The following SGK3 variants were observed in gnomAD, a reference collection of about 807,000 sequenced individuals.
The protein encoded by SGK3 is serum/glucocorticoid regulated kinase family member 3.
In SGK3, 47 loss-of-function variants were observed where a neutral mutation model predicts 68.5. That is an observed-to-expected ratio of 0.69 (90% CI 0.54 to 0.87). The LOEUF is 0.87. Among genes scored for constraint, SGK3 ranks in the 40% least tolerant of loss-of-function variants. The pLI is 0.00. For synonymous variants in SGK3, 181 were observed against 189.1 expected (o/e 0.96, Z 0.35); for missense variants, 479 against 575.5 (o/e 0.83, Z 1.72).
At chr8:66,742,382 T>C (rs985406510) in intron 1 of SGK3, among the ~76,000 whole-genome samples, 2 of 152,200 alleles carry the variant, frequency 1.3e-5, no homozygotes, top group Admixed American at 1.3e-4. Context: ...CTGTTTGTTT[T>C]TTAGAGACAG....
At chr8:66,713,010 G>C (rs190606908) in intron 1 of SGK3, among the ~76,000 whole-genome samples, 177 bp downstream of exon 1, 3 of 152,310 alleles carry the variant, frequency 2.0e-5, no homozygotes, top group Admixed American at 2.0e-4. Flanking sequence ...TTGTTTCCAC[G>C]AGGTGAATTC....
intron 1 of SGK3, among the ~76,000 whole-genome samples, chr8:66,777,045 C>G (rs1224826513): frequency 6.6e-6 from 1 of 152,052 alleles, no homozygotes; most frequent in Admixed American, 6.5e-5. Context: ...GAATGCTCAC[C>G]CAAGGAAGTA....
chr8:66,716,994 G>A (rs1183351431), intron 1 of SGK3, among the ~76,000 whole-genome samples: 1 of 151,536 alleles, frequency 6.6e-6, no homozygotes, highest in African/African-American at 2.4e-5. Context: ...TCAGGAGTTC[G>A]AGACCAGCCT....
intron 8 of SGK3, among the ~76,000 whole-genome samples, chr8:66,832,414 T>C (rs1247917132): frequency 6.6e-6 from 1 of 152,220 alleles, no homozygotes; most frequent in East Asian, 1.9e-4. Context: ...CTGGGTTTCC[T>C]TGAGACTAGA....
intron 1 of SGK3, among the ~76,000 whole-genome samples, chr8:66,774,967 C>T (rs1806635998): frequency 6.6e-6 from 1 of 152,248 alleles, no homozygotes; most frequent in Admixed American, 6.5e-5. Flanking sequence ...GCTCTCTTCA[C>T]CTTCCCCGCG....
rs559703911 is a variant in SGK3, at chr8:66,770,877, G to A, written c.-121-22739G>A. Among the ~76,000 whole-genome samples the A allele has an allele frequency of 2.5e-4, 38 of 152,200 alleles. No individual in the cohort carries two copies. In the South Asian group the frequency reaches 7.9e-3, roughly 32 times the overall value. Reference sequence around the variant, plus strand: ...TTCATAGCCCCATCCTCTCAACTCAGGTAGTCTGCTGGGCTCTCCTTCATT... The same window carrying A: ...TTCATAGCCCCATCCTCTCAACTCAAGTAGTCTGCTGGGCTCTCCTTCATT... On this transcript the variant is annotated intron_variant, in intron 1 of 16. Transcript: ENST00000521198.
intron 2 of SGK3, among the ~76,000 whole-genome samples, chr8:66,796,195 G>A (rs1312400947): frequency 6.6e-6 from 1 of 151,702 alleles, no homozygotes; most frequent in Non-Finnish European, 1.5e-5. Context: ...GGAGTGCAGT[G>A]GTGCAGTCTT....
intron 10 of SGK3, 118 bp from the exon 11 acceptor site, chr8:66,839,885 C>T: frequency 1.1e-6 from 1 of 921,584 alleles, no homozygotes; most frequent in Non-Finnish European, 1.6e-6. Flanking sequence ...TTTTAGCTCA[C>T]ATTCAAAGTA....
chr8:66,758,820 A>G (rs1229559536), intron 1 of SGK3, among the ~76,000 whole-genome samples: 1 of 151,750 alleles, frequency 6.6e-6, no homozygotes, highest in Non-Finnish European at 1.5e-5. Context: ...AGGGCTCCAT[A>G]TCAATACATT....
chr8:66,809,492 G>A (rs1359101027), intron 4 of SGK3, among the ~76,000 whole-genome samples: 9 of 152,116 alleles, frequency 5.9e-5, no homozygotes, highest in Non-Finnish European at 1.2e-4. Context: ...AATTATCATA[G>A]CAGGTTAGAG....
intron 1 of SGK3, among the ~76,000 whole-genome samples, chr8:66,789,778 G>T (rs1018371794): frequency 2.0e-5 from 3 of 152,124 alleles, no homozygotes; most frequent in South Asian, 2.1e-4. Context: ...GCCTGTGGCC[G>T]TTTAAAGGGT....
chr8:66,842,104 T>C (rs978289218), intron 13 of SGK3, among the ~76,000 whole-genome samples: 3 of 152,212 alleles, frequency 2.0e-5, no homozygotes, highest in African/African-American at 7.2e-5. Flanking sequence ...TGTCTAACCC[T>C]AGTGCTTGTA....
At chr8:66,798,688 G>A in intron 3 of SGK3, 63 bp downstream of exon 3, 1 of 1,408,396 alleles carries the variant, frequency 7.1e-7, no homozygotes, top group Non-Finnish European at 9.8e-7. Flanking sequence ...CAAAATAAGA[G>A]AGATGTATTT....
chr8:66,855,181 C>T (rs2130758349), intron 16 of SGK3, among the ~76,000 whole-genome samples: 1 of 152,268 alleles, frequency 6.6e-6, no homozygotes, highest in Middle Eastern at 3.4e-3. Context: ...GATTTGACTA[C>T]ATAAAATTTC....
chr8:66,834,833 G>A (rs1478756622), intron 8 of SGK3, among the ~76,000 whole-genome samples: 2 of 151,686 alleles, frequency 1.3e-5, no homozygotes, highest in African/African-American at 4.8e-5. Flanking sequence ...CCAGCTACTC[G>A]GGAGGCTGAG....
intron 1 of SGK3, among the ~76,000 whole-genome samples, chr8:66,746,574 G>A (rs1367472348): frequency 6.6e-6 from 1 of 151,676 alleles, no homozygotes; most frequent in Non-Finnish European, 1.5e-5. Context: ...TTTTTTTAAA[G>A]GCAAAATCTC....
chr8:66,810,319 G>A (rs886140626), intron 4 of SGK3, among the ~76,000 whole-genome samples: 5 of 152,002 alleles, frequency 3.3e-5, no homozygotes, highest in Admixed American at 3.3e-4. Flanking sequence ...AAATGAAATT[G>A]GAATAGCAGA....
chr8:66,847,559 C>G (rs750446735), intron 15 of SGK3, among the ~76,000 whole-genome samples: 7 of 152,170 alleles, frequency 4.6e-5, no homozygotes, highest in Non-Finnish European at 7.4e-5. Flanking sequence ...CACTTTTGCC[C>G]TATCCACCAC....
chr8:66,799,150 A>T (rs1807822256), intron 3 of SGK3, among the ~76,000 whole-genome samples: 1 of 152,148 alleles, frequency 6.6e-6, no homozygotes, highest in African/African-American at 2.4e-5. Flanking sequence ...AATTACTACA[A>T]CCTGTTTTTA....
Sources: allele counts gnomAD v4.1 joint callset (sites outside exome capture counted in the v4.1 genomes callset), GRCh38; gene constraint gnomAD v4.1.1; transcripts MANE v1.5; gene names NCBI Gene and HGNC (gene_info 2026-07-23, HGNC 2026-07-21).